The following DNAAF3 variants were observed in gnomAD, a reference collection of about 807,000 sequenced individuals.
The protein encoded by DNAAF3 is UPF0470 protein C19orf51.
A neutral mutation model predicts 50.9 loss-of-function variants in DNAAF3; 40 were observed. The ratio of observed to expected loss-of-function variants is 0.79; its 90% CI spans 0.61 to 1.02. DNAAF3 has a LOEUF of 1.02. Ranked by LOEUF, DNAAF3 falls within the 50% of genes least tolerant of loss-of-function variation. DNAAF3 has a pLI of 0.00. For missense variants in DNAAF3, 763 were observed against 744.7 expected, an observed-to-expected ratio of 1.02 and a Z score of -0.29; for synonymous variants, 327 against 322.8, an observed-to-expected ratio of 1.01 and a Z score of -0.14.
At position 55,166,590 on chromosome 19, in the gene DNAAF3, A is replaced by G. The variant is rs760790026; in HGVS notation, c.-72T>C. The G allele has an allele frequency of 2.5e-6, 4 of 1,613,746 alleles. No homozygotes were observed. The highest frequency in any genetic ancestry group is 3.4e-6 in the Non-Finnish European group (4 of 1,179,964). Reference sequence around the variant, plus strand: ...CAGTGCAGCACTGTGGACCCGCGGCACTCCACAACCGCTGCCCAGAGTCCC... The same window carrying G: ...CAGTGCAGCACTGTGGACCCGCGGCGCTCCACAACCGCTGCCCAGAGTCCC... On this transcript the variant is annotated 5_prime_UTR_variant, in exon 1 of 12. Transcript: ENST00000524407. This position sits in a 1 kb window ranked among gnomAD's most constrained non-coding sequence, Gnocchi z 4.0.
chr19:55,165,875 G>T lies in DNAAF3; in HGVS notation c.211C>A (p.Pro71Thr), dbSNP rs780065919. 6.2e-7 allele frequency: 1 copy of T among 1,614,098 alleles called. No individual in the cohort carries two copies. The highest frequency in any genetic ancestry group is 2.2e-5 in the East Asian group (1 of 44,876). ...LRTLSRAKFW[P>T]RRRFNFFVLE... is the part of the protein sequence containing the mutation. Reference sequence around the variant, plus strand: ...CAGCTCACGTTGAACCTCCTGCGAGGCCAGAACTTCGCTCGGGACAGGGTC... The same window carrying T: ...CAGCTCACGTTGAACCTCCTGCGAGTCCAGAACTTCGCTCGGGACAGGGTC... Residue 71 changes from proline to threonine, a missense_variant, in exon 3 of 12, where the codon CCT becomes ACT. By Grantham distance (38) the Pro-to-Thr change is conservative (BLOSUM62 -1). Coordinates refer to ENST00000524407, the MANE Select transcript of DNAAF3 (RefSeq NM_001256715.2).
At position 55,163,312 on chromosome 19, in the gene DNAAF3, A is replaced by ATTTTTTTTT. The variant is rs34371299; in HGVS notation, c.323-1031_323-1023dup. ...CGTGAGCCATCGCGCCCGGCGGCTAATTTTTTTTTTTTTTTTTTTGTATTT... is the reference window on the plus strand; with the variant it reads ...CGTGAGCCATCGCGCCCGGCGGCTAATTTTTTTTTTTTTTTTTTTTTTTTTTTTGTATTT... On this transcript the variant is annotated intron_variant, in intron 4 of 11. Transcript: ENST00000524407. Among the ~76,000 whole-genome samples, 34 of 87,226 alleles carry ATTTTTTTTT rather than the reference A, an allele frequency of 3.9e-4. 1 individual carries two copies. Among genetic ancestry groups the ATTTTTTTTT allele is most frequent in the African/African-American group, 1.1e-3 (24 of 22,054 alleles). 57.2% of individuals were successfully genotyped at this position (87,226 alleles called of 152,430 possible). A position where few individuals can be genotyped will look rare whatever the true frequency, so the allele number is the denominator to read the frequency against.
rs763924003 is a variant in DNAAF3, at chr19:55,166,468, T to C, written c.-4-51A>G. 7 of 1,612,028 alleles carry C rather than the reference T, an allele frequency of 4.3e-6. No individual in the cohort carries two copies. Among genetic ancestry groups the C allele is most frequent in the Non-Finnish European group, 4.2e-6 (5 of 1,178,586 alleles). ...GCACACATTGCCCGCCCCGCTCCCC[T>C]CTCACCGCCCCTCACTTCTCGCCCC... On this transcript the variant is annotated intron_variant, in intron 1 of 11. Coordinates refer to ENST00000524407, the MANE Select transcript of DNAAF3 (RefSeq NM_001256715.2). The surrounding 1 kb of genome is among the most constrained non-coding windows in gnomAD (Gnocchi z 4.0).
rs1599922783 is a variant in DNAAF3, at chr19:55,161,828, G to C, written c.481-3C>G. 1 of 1,433,996 alleles carries C rather than the reference G, an allele frequency of 7.0e-7. No homozygotes were observed. The highest frequency in any genetic ancestry group is 9.1e-7 in the Non-Finnish European group (1 of 1,095,756). 88.8% of individuals were successfully genotyped at this position (1,433,996 alleles called of 1,614,324 possible). A position where few individuals can be genotyped will look rare whatever the true frequency, so the allele number is the denominator to read the frequency against. On this transcript the variant is annotated splice_region_variant and splice_polypyrimidine_tract_variant and intron_variant, in intron 5 of 11. Transcript: ENST00000524407. The surrounding 1 kb of genome is among the most constrained non-coding windows in gnomAD (Gnocchi z 6.4). ...TCCAGGGCATCCCGCTCGCGGAACT[G>C]CGGGGCCAGGCACGCGGTGGGACAG... is the stretch of plus-strand genomic sequence containing the variant.
At chr19:55,165,333 G>C (rs2085920245) in intron 4 of DNAAF3, 37 bp downstream of exon 4, 3 of 1,583,564 alleles carry the variant, frequency 1.9e-6, no homozygotes, top group Non-Finnish European at 2.6e-6. Context: ...AGGGGGAGGA[G>C]ACCAGCGGTC....
In DNAAF3 at chr19:55,166,496, T is replaced by G. The variant is rs2085941556; in HGVS notation, c.-5+27A>C. On this transcript the variant is annotated intron_variant, in intron 1 of 11. Transcript: ENST00000524407. This position sits in a 1 kb window ranked among gnomAD's most constrained non-coding sequence, Gnocchi z 4.0. The stretch of plus-strand genomic sequence containing the variant: ...CACCGCCCCTCACTTCTCGCCCCTT[T>G]GCCTCCACATGATACCTTGCCCACA... The G allele has an allele frequency of 6.2e-7, 1 of 1,613,738 alleles. No individual in the cohort carries two copies. Among genetic ancestry groups the G allele is most frequent in the Admixed American group, 1.7e-5 (1 of 59,992 alleles).
At position 55,161,036 on chromosome 19, in the gene DNAAF3, C is replaced by G. The variant is rs1644586380; in HGVS notation, c.912+29G>C. The G allele has an allele frequency of 2.0e-6, 3 of 1,523,614 alleles. No homozygotes were observed. Among genetic ancestry groups the G allele is most frequent in the South Asian group, 1.2e-5 (1 of 82,522 alleles). 94.4% of individuals were successfully genotyped at this position (1,523,614 alleles called of 1,614,324 possible). On this transcript the variant is annotated intron_variant, in intron 8 of 11. Coordinates refer to ENST00000524407, the MANE Select transcript of DNAAF3 (RefSeq NM_001256715.2). This position sits in a 1 kb window ranked among gnomAD's most constrained non-coding sequence, Gnocchi z 6.4. ...CACCCACCGACCCCCAGCCCCACCT[C>G]TACCCCCAGTCCCAGCCTCGCCGCG...
Position 55,160,035 on chromosome 19 carries a change from G to T in DNAAF3, c.1049-22C>A. 6.6e-7 allele frequency: 1 copy of T among 1,511,460 alleles called. No homozygotes were observed. Among genetic ancestry groups the T allele is most frequent in the Non-Finnish European group, 9.2e-7 (1 of 1,088,250 alleles). 93.6% of individuals were successfully genotyped at this position (1,511,460 alleles called of 1,614,324 possible). The stretch of plus-strand genomic sequence containing the variant: ...GCTGCTGGGGGAAGGGGATAGAGGG[G>T]TCACCTCTGACAGGCGGAGCCATAA... On this transcript the variant is annotated intron_variant, in intron 9 of 11. Transcript: ENST00000524407. This position sits in a 1 kb window ranked among gnomAD's most constrained non-coding sequence, Gnocchi z 4.7.
At position 55,161,854 on chromosome 19, in the gene DNAAF3, A is replaced by T. The variant is rs1227629920; in HGVS notation, c.481-29T>A. On this transcript the variant is annotated intron_variant, in intron 5 of 11. Transcript: ENST00000524407. The surrounding 1 kb of genome is among the most constrained non-coding windows in gnomAD (Gnocchi z 6.4). Reference sequence around the variant, plus strand: ...CGGGGCCAGGCACGCGGTGGGACAGAGGAAGGCAGAGAGGGATGCAGGGAG... The same window carrying T: ...CGGGGCCAGGCACGCGGTGGGACAGTGGAAGGCAGAGAGGGATGCAGGGAG... 7.8e-6 allele frequency: 11 copies of T among 1,418,524 alleles called. No homozygotes were observed. The South Asian group carries it at 1.6e-4, about 21-fold the overall frequency. 87.9% of individuals were successfully genotyped at this position (1,418,524 alleles called of 1,614,324 possible). A position where few individuals can be genotyped will look rare whatever the true frequency, so the allele number is the denominator to read the frequency against.
At chr19:55,163,048 C>T (rs1320886403) in intron 4 of DNAAF3, among the ~76,000 whole-genome samples, 49 of 115,782 alleles carry the variant, frequency 4.2e-4, no homozygotes, top group African/African-American at 1.3e-3. Context: ...CTCGCTCTGT[C>T]GCCTAGACTG....
rs750637503 is a variant in DNAAF3, at chr19:55,161,697, G to A, written c.609C>T (p.Asp203=). Residue 203 remains aspartate (D), a synonymous_variant, in exon 6 of 12, where the codon GAC becomes GAT. Coordinates refer to ENST00000524407, the MANE Select transcript of DNAAF3 (RefSeq NM_001256715.2). This position sits in a 1 kb window ranked among gnomAD's most constrained non-coding sequence, Gnocchi z 6.4. ...CCCAGTCGCTGACACCGCGCCGGGC[G>A]TCGTAGCGGGAGCCCAGGTAGTGGC... The part of the protein sequence containing the change: ...RLRHYLGSRY[D]ARRGVSDWDL... The A allele has an allele frequency of 5.8e-6, 9 of 1,540,692 alleles. No homozygotes were observed. Among genetic ancestry groups the A allele is most frequent in the South Asian group, 1.2e-5 (1 of 83,926 alleles).
intron 4 of DNAAF3, among the ~76,000 whole-genome samples, chr19:55,163,883 T>A (rs1277970543): frequency 6.6e-6 from 1 of 152,184 alleles, no homozygotes; most frequent in Non-Finnish European, 1.5e-5. Context: ...CTGATATGGT[T>A]TGGATCTGTG....
At position 55,160,678 on chromosome 19, in the gene DNAAF3, T is replaced by G. The variant is rs2085806507; in HGVS notation, c.1010A>C (p.Gln337Pro). 1.2e-6 allele frequency: 2 copies of G among 1,613,806 alleles called. No individual in the cohort carries two copies. Among genetic ancestry groups the G allele is most frequent in the African/African-American group, 2.7e-5 (2 of 74,916 alleles). ...CTCCGGGCTTCCCTCCGCGTGCTGC[T>G]GCTCCTCCAGGTCCCCCCCGGTGGC... ...ARATGGDLEE[Q>P]QHAEGSPEPG... Residue 337 changes from glutamine (Q) to proline (P), a missense_variant, in exon 9 of 12, where the codon CAG (glutamine) becomes CCG (proline). By Grantham distance (76) the Gln-to-Pro change is moderately conservative. Transcript: ENST00000524407. This position sits in a 1 kb window ranked among gnomAD's most constrained non-coding sequence, Gnocchi z 4.7.
rs1373352285 is a variant in DNAAF3, at chr19:55,161,090, C to T, written c.887G>A (p.Arg296Gln). The T allele has an allele frequency of 3.2e-6, 5 of 1,543,312 alleles. No individual in the cohort carries two copies. The highest frequency in any genetic ancestry group is 2.0e-5 in the Admixed American group (1 of 50,962). Reference protein sequence around the residue: ...GIEADDESLLRTSNGQPVKTA... With the variant: ...GIEADDESLLQTSNGQPVKTA... Reference sequence around the variant, plus strand: ...CTTGACTGGCTGGCCGTTGCTCGTCCGCAGGAGGCTCTCGTCGTCCGCTTC... The same window carrying T: ...CTTGACTGGCTGGCCGTTGCTCGTCTGCAGGAGGCTCTCGTCGTCCGCTTC... The change falls in exon 8 of 12, where the codon CGG becomes CAG. Residue 296 changes from arginine to glutamine, a missense_variant. Arg to Gln is a conservative substitution (Grantham distance 43). Coordinates refer to ENST00000524407, the MANE Select transcript of DNAAF3 (RefSeq NM_001256715.2). The surrounding 1 kb of genome is among the most constrained non-coding windows in gnomAD (Gnocchi z 6.4).
Position 55,161,699 on chromosome 19 carries a change from C to T in DNAAF3, c.607G>A (p.Asp203Asn), listed in dbSNP as rs914197595. Residue 203 changes from aspartate (D) to asparagine (N), a missense_variant, in exon 6 of 12, where the codon GAC (aspartate) becomes AAC (asparagine). Asp to Asn is a conservative substitution (Grantham distance 23). Coordinates refer to ENST00000524407, the MANE Select transcript of DNAAF3 (RefSeq NM_001256715.2). This position sits in a 1 kb window ranked among gnomAD's most constrained non-coding sequence, Gnocchi z 6.4. ...CAGTCGCTGACACCGCGCCGGGCGT[C>T]GTAGCGGGAGCCCAGGTAGTGGCGC... is the stretch of plus-strand genomic sequence containing the variant. ...RLRHYLGSRY[D>N]ARRGVSDWDL... 2 of 1,540,940 alleles carry T rather than the reference C, an allele frequency of 1.3e-6. No homozygotes were observed. The highest frequency in any genetic ancestry group is 8.7e-7 in the Non-Finnish European group (1 of 1,146,412).
At chr19:55,165,501 G>GAGAATAA in intron 3 of DNAAF3, 38 bp from the exon 4 acceptor site, 1 of 1,606,694 alleles carries the variant, frequency 6.2e-7, no homozygotes, top group South Asian at 1.1e-5. Context: ...TCTGAGACCT[G>GAGAATAA]TTTGCCTGGG....
chr19:55,161,617 C>T lies in DNAAF3; in HGVS notation c.663+26G>A. On this transcript the variant is annotated intron_variant, in intron 6 of 11. Transcript: ENST00000524407. The surrounding 1 kb of genome is among the most constrained non-coding windows in gnomAD (Gnocchi z 6.4). ...TCCCTCAGACCCAGGGGTCCAGGCC[C>T]CCAGCCCCTCTCCTGGGCCCCTCAC... The T allele has an allele frequency of 6.6e-7, 1 of 1,525,510 alleles. No homozygotes were observed. Among genetic ancestry groups the T allele is most frequent in the Non-Finnish European group, 8.8e-7 (1 of 1,139,648 alleles). The allele number at this position is 1,525,510 out of a possible 1,614,324, so 94.5% of individuals were successfully genotyped here.
In DNAAF3 at chr19:55,159,146, T is replaced by C; in HGVS notation, c.1542A>G (p.Pro514=). The C allele has an allele frequency of 1.9e-6, 3 of 1,613,706 alleles. No homozygotes were observed. The highest frequency in any genetic ancestry group is 2.5e-6 in the Non-Finnish European group (3 of 1,180,020). The change falls in exon 12 of 12, where the codon CCA becomes CCG. Residue 514 remains proline (P), a synonymous_variant. Coordinates refer to ENST00000524407, the MANE Select transcript of DNAAF3 (RefSeq NM_001256715.2). ...GAGCCAGAACCTCTGAGAGTGAACC[T>C]GGAGACTCAGAGGGCAGCTGGCAGG... ...CEPCQLPSES[P]GSLSEVLAQP...
In DNAAF3 at chr19:55,166,516, C is replaced by T. The variant is rs754448891; in HGVS notation, c.-5+7G>A. ...CCCTTTGCCTCCACATGATACCTTG[C>T]CCACACCTTTATCCTCCAAATATCC... On this transcript the variant is annotated splice_region_variant and intron_variant, in intron 1 of 11. Transcript: ENST00000524407. This position sits in a 1 kb window ranked among gnomAD's most constrained non-coding sequence, Gnocchi z 4.0. 9 of 1,614,092 alleles carry T rather than the reference C, an allele frequency of 5.6e-6. No individual in the cohort carries two copies. The highest frequency in any genetic ancestry group is 7.6e-6 in the Non-Finnish European group (9 of 1,179,978).
Sources: allele counts gnomAD v4.1 joint callset (sites outside exome capture counted in the v4.1 genomes callset), GRCh38; gene constraint gnomAD v4.1.1; non-coding constraint Gnocchi (gnomAD v3.1); transcripts MANE v1.5; gene names NCBI Gene and HGNC (gene_info 2026-07-23, HGNC 2026-07-21).